Variants in CHI3L2 observed in about 807,000 individuals in gnomAD.
CHI3L2 encodes the protein chitinase-3-like protein 2.
Under a neutral mutation model 47.3 loss-of-function variants are expected in CHI3L2, and 47 were observed. That is an observed-to-expected ratio of 0.99 (90% CI 0.79 to 1.27). The LOEUF (loss-of-function observed/expected upper bound fraction) is 1.27. Among genes scored for constraint, CHI3L2 ranks in the 50% most tolerant of loss-of-function variants. The pLI is 0.00. For synonymous variants in CHI3L2, 198 were observed against 169.9 expected, an observed-to-expected ratio of 1.17 and a Z score of -1.28; for missense variants, 497 against 462.1, an observed-to-expected ratio of 1.08 and a Z score of -0.69.
chr1:111,229,550 C>T lies in CHI3L2; in HGVS notation c.41-302C>T, dbSNP rs368592088. The T allele has an allele frequency of 6.9e-3, 1,397 of 201,448 alleles. 24 individuals are homozygous for T. The highest frequency in any genetic ancestry group is 0.051 in the East Asian group (418 of 8,234). The allele number at this position is 201,448 out of a possible 1,614,324, so 12.5% of individuals were successfully genotyped here. ...ACAAAAAATTAGCCGGGCGTAGTGG[C>T]GGGCGCCTGTAGTCCCAGCTACTTG... On this transcript the variant is annotated intron_variant, in intron 1 of 10. Transcript: ENST00000369748.
At chr1:111,229,446 G>A (rs369635790) in intron 1 of CHI3L2, among the ~76,000 whole-genome samples, 121 of 152,054 alleles carry the variant, frequency 8.0e-4, no homozygotes, top group African/African-American at 2.7e-3. Context: ...ACTTTGGGAG[G>A]CCGAGGCGGG....
At chr1:111,232,699 C>T (rs1327486348) in intron 4 of CHI3L2, among the ~76,000 whole-genome samples, 1 of 152,224 alleles carries the variant, frequency 6.6e-6, no homozygotes, top group South Asian at 2.1e-4. Context: ...AGGCTTTGTG[C>T]CAGGTGCTGT....
upstream of CHI3L2, chr1:111,227,707 C>T (rs755348750): frequency 1.4e-5 from 22 of 1,613,660 alleles, no homozygotes; most frequent in Middle Eastern, 1.6e-4. Context: ...GAATGTGTAT[C>T]CCAGAAGAAG....
intron 9 of CHI3L2, 89 bp downstream of exon 9, chr1:111,241,532 C>G (rs1313125343): frequency 1.4e-6 from 1 of 727,856 alleles, no homozygotes; most frequent in Non-Finnish European, 2.4e-6. Flanking sequence ...AAGAGAGAAG[C>G]TTCTGAGGCC....
Position 111,238,951 on chromosome 1 carries a change from T to C in CHI3L2, c.918+19T>C, listed in dbSNP as rs1659968026. 6.4e-7 allele frequency: 1 copy of C among 1,562,198 alleles called. No homozygotes were observed. The highest frequency in any genetic ancestry group is 1.2e-5 in the South Asian group (1 of 82,772). On this transcript the variant is annotated intron_variant, in intron 8 of 10. Transcript: ENST00000369748. ...TTATGAGGTACCTGGAAACCCCCTGTACCCTCAGCTCCCTGCCATGTCTGG... is the reference window on the plus strand; with the variant it reads ...TTATGAGGTACCTGGAAACCCCCTGCACCCTCAGCTCCCTGCCATGTCTGG...
At chr1:111,241,947 G>A (rs1377086015) in intron 9 of CHI3L2, among the ~76,000 whole-genome samples, 7 of 152,148 alleles carry the variant, frequency 4.6e-5, no homozygotes, top group Admixed American at 3.3e-4. Context: ...GTCTTGTTAA[G>A]GGCTTCCTAG....
chr1:111,229,637 A>T, intron 1 of CHI3L2: 2 of 466,098 alleles, frequency 4.3e-6, no homozygotes, highest in South Asian at 4.6e-5. Flanking sequence ...AGCCGAGATC[A>T]CACCACTGCA....
At chr1:111,237,048 A>G (rs763491482) in intron 7 of CHI3L2, among the ~76,000 whole-genome samples, 2 of 152,192 alleles carry the variant, frequency 1.3e-5, no homozygotes, top group Non-Finnish European at 2.9e-5. Flanking sequence ...GATCTGCAAA[A>G]TATCTCAAGC....
At position 111,231,329 on chromosome 1, in the gene CHI3L2, C is replaced by T. The variant is rs369417751; in HGVS notation, c.329+35C>T. On this transcript the variant is annotated intron_variant, in intron 4 of 10. Coordinates refer to ENST00000369748, the MANE Select transcript of CHI3L2 (RefSeq NM_004000.3). ...CATCTTTATTTTTTGTTCATTTCCC[C>T]ATGTAATTTTTGATCATCATCATTT... The T allele has an allele frequency of 1.3e-3, 1,857 of 1,482,414 alleles. 7 individuals are homozygous for T. The highest frequency in any genetic ancestry group is 1.6e-3 in the Non-Finnish European group (1,659 of 1,066,882). The allele number at this position is 1,482,414 out of a possible 1,614,324, so 91.8% of individuals were successfully genotyped here. A position where few individuals can be genotyped will look rare whatever the true frequency, so the allele number is the denominator to read the frequency against.
Position 111,230,906 on chromosome 1 carries a change from GT to G in CHI3L2, c.236del (p.Val79GlyfsTer17). 1 of 1,614,174 alleles carries G rather than the reference GT, an allele frequency of 6.2e-7. No homozygotes were observed. Among genetic ancestry groups the G allele is most frequent in the African/African-American group, 1.3e-5 (1 of 75,040 alleles). Reference protein sequence around the residue: ...NKVIIKDKSEVMLYQTINSLK... With the variant: ...NKVIIKDKSEXMLYQTINSLK... ...GGTTATCATCAAGGACAAGAGTGAA[GT>G]GATGCTCTACCAGACCATCAACAGT... On this transcript the variant is annotated frameshift_variant, in exon 3 of 11. Coordinates refer to ENST00000369748, the MANE Select transcript of CHI3L2 (RefSeq NM_004000.3). LOFTEE classifies it high-confidence loss of function.
At chr1:111,238,444 C>T (rs1167536470) in intron 7 of CHI3L2, among the ~76,000 whole-genome samples, 1 of 152,198 alleles carries the variant, frequency 6.6e-6, no homozygotes, top group Non-Finnish European at 1.5e-5. Flanking sequence ...TTTGAGTTGA[C>T]TCAAAAGGGG....
chr1:111,237,007 G>A (rs1210473768), intron 7 of CHI3L2, among the ~76,000 whole-genome samples: 1 of 152,192 alleles, frequency 6.6e-6, no homozygotes, highest in African/African-American at 2.4e-5. Context: ...TCCTGGGTCT[G>A]GGTAGTGTCA....
intron 7 of CHI3L2, among the ~76,000 whole-genome samples, chr1:111,237,877 T>C (rs139365515): frequency 6.6e-6 from 1 of 152,336 alleles, no homozygotes; most frequent in African/African-American, 2.4e-5. Flanking sequence ...ACCTTAAGAC[T>C]GATAGAAGAG....
At chr1:111,235,874 G>T (rs1659870531) in intron 6 of CHI3L2, 111 bp downstream of exon 6, 2 of 1,545,368 alleles carry the variant, frequency 1.3e-6, no homozygotes, top group Admixed American at 1.8e-5. Context: ...GAAGGTCATT[G>T]TCCTAACCCT....
At position 111,238,858 on chromosome 1, in the gene CHI3L2, G is replaced by A. The variant is rs140247314; in HGVS notation, c.844G>A (p.Val282Met). ...SFTLASAETT[V>M]GAPASGPGAA... ...CACACTGGCCTCTGCAGAAACCACC[G>A]TGGGGGCCCCTGCCTCTGGCCCTGG... The change falls in exon 8 of 11, where the codon GTG becomes ATG. Residue 282 changes from valine (V) to methionine (M), a missense_variant. Val to Met is a conservative substitution (Grantham distance 21, BLOSUM62 1). Transcript: ENST00000369748. 2.2e-5 allele frequency: 36 copies of A among 1,613,466 alleles called. No individual in the cohort carries two copies. The highest frequency in any genetic ancestry group is 6.7e-5 in the African/African-American group (5 of 74,884).
intron 9 of CHI3L2, 87 bp downstream of exon 9, chr1:111,241,530 A>G: frequency 1.4e-6 from 1 of 736,094 alleles, no homozygotes; most frequent in Non-Finnish European, 2.4e-6. Context: ...CAAAGAGAGA[A>G]GCTTCTGAGG....
intron 7 of CHI3L2, among the ~76,000 whole-genome samples, chr1:111,237,779 G>A (rs1571229681): frequency 6.6e-6 from 1 of 152,192 alleles, no homozygotes; most frequent in Non-Finnish European, 1.5e-5. Flanking sequence ...GGCATTCAAA[G>A]TTAATCTGAA....
intron 2 of CHI3L2, among the ~76,000 whole-genome samples, chr1:111,230,276 C>T (rs1304951933): frequency 6.6e-6 from 1 of 151,702 alleles, no homozygotes; most frequent in East Asian, 1.9e-4. Context: ...TTTTTTGAGA[C>T]AGGGTCTCAC....
At chr1:111,235,456 C>A (rs1010421186) in intron 5 of CHI3L2, among the ~76,000 whole-genome samples, 183 bp from the exon 6 acceptor site, 6 of 152,160 alleles carry the variant, frequency 3.9e-5, no homozygotes, top group African/African-American at 1.4e-4. Flanking sequence ...TGGGGTTCTC[C>A]TGCCTAATGT....
Sources: allele counts gnomAD v4.1 joint callset (sites outside exome capture counted in the v4.1 genomes callset), GRCh38; gene constraint gnomAD v4.1.1; transcripts MANE v1.5; gene names NCBI Gene and HGNC (gene_info 2026-07-23, HGNC 2026-07-21).